The following KCNK13 variants were observed in gnomAD, a reference collection of about 807,000 sequenced individuals.
KCNK13 encodes the protein potassium channel subfamily K member 13.
KCNK13 carries 12 observed loss-of-function variants against 23.4 expected under a neutral mutation model. The observed-to-expected ratio is 0.51, with a 90% CI of 0.33 to 0.83. The LOEUF (loss-of-function observed/expected upper bound fraction) is 0.83. Among genes scored for constraint, KCNK13 ranks in the 40% least tolerant of loss-of-function variants. The pLI is 0.02. For missense variants in KCNK13, 463 were observed against 556.3 expected, an observed-to-expected ratio of 0.83 and a Z score of 1.69; for synonymous variants, 231 against 229.5, an observed-to-expected ratio of 1.01 and a Z score of -0.06.
chr14:90,091,444 CA>C (rs1237909461), intron 1 of KCNK13, among the ~76,000 whole-genome samples: 1 of 152,188 alleles, frequency 6.6e-6, no homozygotes, highest in Non-Finnish European at 1.5e-5. Context: ...AGAGGAAACT[CA>C]GTACAGTCAT....
intron 1 of KCNK13, among the ~76,000 whole-genome samples, chr14:90,168,034 G>A (rs546156446): frequency 3.0e-4 from 45 of 152,142 alleles, no homozygotes; most frequent in Admixed American, 1.3e-4. Flanking sequence ...CTCATTTTAC[G>A]TACTGTACCA....
intron 1 of KCNK13, among the ~76,000 whole-genome samples, chr14:90,120,026 G>A (rs1889718825): frequency 6.6e-6 from 1 of 152,084 alleles, no homozygotes; most frequent in Admixed American, 6.6e-5. Context: ...TACTAAGACT[G>A]GTACTCAATA....
intron 1 of KCNK13, among the ~76,000 whole-genome samples, chr14:90,118,537 G>A (rs1461456415): frequency 1.3e-5 from 2 of 152,056 alleles, no homozygotes; most frequent in Admixed American, 6.6e-5. Flanking sequence ...CCACCTTTTG[G>A]CTTTTATGAA....
At position 90,102,356 on chromosome 14, in the gene KCNK13, C is replaced by T. The variant is rs558806740; in HGVS notation, c.334+39817C>T. Among the ~76,000 whole-genome samples, 7 of 152,240 alleles carry T rather than the reference C, an allele frequency of 4.6e-5. No homozygotes were observed. The South Asian group carries it at 1.5e-3, about 32-fold the overall frequency. ...GCTGCAGATTCAGTTCATAACTCTC[C>T]CATCAACTATAGTATCTTCATTAAT... On this transcript the variant is annotated intron_variant, in intron 1 of 1. Coordinates refer to ENST00000282146, the MANE Select transcript of KCNK13 (RefSeq NM_022054.4).
At chr14:90,101,363 T>A (rs1889474886) in intron 1 of KCNK13, among the ~76,000 whole-genome samples, 1 of 152,124 alleles carries the variant, frequency 6.6e-6, no homozygotes, top group African/African-American at 2.4e-5. Flanking sequence ...AGTGTTGTCC[T>A]CGTATGGCAA....
chr14:90,096,118 G>C (rs1364154007), intron 1 of KCNK13, among the ~76,000 whole-genome samples: 2 of 152,194 alleles, frequency 1.3e-5, no homozygotes, highest in Non-Finnish European at 2.9e-5. Flanking sequence ...TCAGCAATCT[G>C]GAAGCTCTCC....
chr14:90,169,791 C>T (rs962486701), intron 1 of KCNK13, among the ~76,000 whole-genome samples: 1 of 152,162 alleles, frequency 6.6e-6, no homozygotes, highest in South Asian at 2.1e-4. Flanking sequence ...ACTCTCATCA[C>T]CACTCTGGCA....
At chr14:90,119,576 C>T (rs10135363) in intron 1 of KCNK13, among the ~76,000 whole-genome samples, 40,145 of 151,718 alleles carry the variant, frequency 0.26, 5,529 homozygotes, top group East Asian at 0.37. Flanking sequence ...CCAGTGCATA[C>T]CCACTAGGAT....
At chr14:90,072,648 TA>T (rs1889090004) in intron 1 of KCNK13, among the ~76,000 whole-genome samples, 1 of 152,204 alleles carries the variant, frequency 6.6e-6, no homozygotes, top group African/African-American at 2.4e-5. Flanking sequence ...CACTTATTTC[TA>T]AAAGGAACTA....
In KCNK13 at chr14:90,179,726, G is replaced by A. The variant is rs187501308; in HGVS notation, c.335-4385G>A. Reference sequence around the variant, plus strand: ...ACAGGGAATATATTACGTATTGAAAGGTACCACCTGTGACTGTCAGTTTCA... The same window carrying A: ...ACAGGGAATATATTACGTATTGAAAAGTACCACCTGTGACTGTCAGTTTCA... On this transcript the variant is annotated intron_variant, in intron 1 of 1. Transcript: ENST00000282146. Among the ~76,000 whole-genome samples the A allele has an allele frequency of 6.3e-3, 962 of 152,244 alleles. 6 individuals carry two copies. Among genetic ancestry groups the A allele is most frequent in the African/African-American group, 0.022 (927 of 41,552 alleles).
intron 1 of KCNK13, among the ~76,000 whole-genome samples, chr14:90,135,948 G>C (rs897988502): frequency 6.6e-6 from 1 of 152,004 alleles, no homozygotes; most frequent in African/African-American, 2.4e-5. Context: ...CGGGCATAAA[G>C]AAAACTCACT....
chr14:90,140,500 TGAGTCATCATCCCTTCCAGAC>T (rs1439900619), intron 1 of KCNK13, among the ~76,000 whole-genome samples: 1 of 152,120 alleles, frequency 6.6e-6, no homozygotes, highest in Non-Finnish European at 1.5e-5. Flanking sequence ...CTGGGGACTG[TGAGTCATCATCCCTTCCAGAC>T]GAGTCCCCTC....
intron 1 of KCNK13, among the ~76,000 whole-genome samples, chr14:90,103,160 C>T (rs983377507): frequency 6.6e-5 from 10 of 152,078 alleles, no homozygotes; most frequent in African/African-American, 2.4e-4. Context: ...TGTATAATAC[C>T]ACATTGTCTT....
intron 1 of KCNK13, among the ~76,000 whole-genome samples, chr14:90,182,531 G>T (rs1185508522): frequency 6.6e-6 from 1 of 152,130 alleles, no homozygotes; most frequent in Non-Finnish European, 1.5e-5. Flanking sequence ...TGAAAATAAG[G>T]AAAAACTGGG....
At chr14:90,115,599 C>T (rs111902622) in intron 1 of KCNK13, among the ~76,000 whole-genome samples, 1 of 152,176 alleles carries the variant, frequency 6.6e-6, no homozygotes, top group Non-Finnish European at 1.5e-5. Context: ...ACTATATGGT[C>T]TCTGTTGCAA....
At chr14:90,159,514 G>A (rs78088428) in intron 1 of KCNK13, among the ~76,000 whole-genome samples, 9,578 of 152,206 alleles carry the variant, frequency 0.063, 978 homozygotes, top group African/African-American at 0.22. Context: ...CTGCAGGAGG[G>A]CAAAGGTGTG....
At chr14:90,118,712 A>G (rs1019756876) in intron 1 of KCNK13, among the ~76,000 whole-genome samples, 2 of 152,150 alleles carry the variant, frequency 1.3e-5, no homozygotes, top group African/African-American at 4.8e-5. Flanking sequence ...TTACATCCCC[A>G]CGGGAATGCA....
intron 1 of KCNK13, among the ~76,000 whole-genome samples, chr14:90,115,490 A>G (rs547359075): frequency 6.6e-6 from 1 of 152,326 alleles, no homozygotes; most frequent in African/African-American, 2.4e-5. Context: ...GTGGTGCTGA[A>G]CATCTTCTTG....
chr14:90,129,863 A>G (rs1889846604), intron 1 of KCNK13, among the ~76,000 whole-genome samples: 1 of 152,026 alleles, frequency 6.6e-6, no homozygotes, highest in South Asian at 2.1e-4. Context: ...CAGGTTTTCC[A>G]AGGAAAGTAA....
Sources: allele counts gnomAD v4.1 joint callset (sites outside exome capture counted in the v4.1 genomes callset), GRCh38; gene constraint gnomAD v4.1.1; transcripts MANE v1.5; gene names NCBI Gene and HGNC (gene_info 2026-07-23, HGNC 2026-07-21).